SOX5: variants seen among roughly 807,000 people sequenced by gnomAD.
The protein encoded by SOX5 is SRY-box transcription factor 5.
SOX5 carries 9 observed loss-of-function variants against 92.0 expected under a neutral mutation model. That is an observed-to-expected ratio of 0.10 (90% CI 0.06 to 0.17). The LOEUF is 0.17. Ranked by LOEUF, SOX5 falls within the 10% of genes least tolerant of loss-of-function variation. The pLI, the probability that SOX5 is intolerant of heterozygous loss-of-function variation, is 1.00. For synonymous variants in SOX5, 344 were observed against 336.3 expected (o/e 1.02, Z -0.25); for missense variants, 642 against 944.5 (o/e 0.68, Z 4.20).
chr12:23,606,773 C>T (rs1053410344), intron 8 of SOX5, among the ~76,000 whole-genome samples: 9 of 152,038 alleles, frequency 5.9e-5, no homozygotes, highest in East Asian at 1.9e-4. Context: ...ATACTTTCAT[C>T]GTTCAAATAA....
intron 3 of SOX5, among the ~76,000 whole-genome samples, chr12:23,827,719 G>A (rs972909333): frequency 6.6e-6 from 1 of 152,156 alleles, no homozygotes; most frequent in African/African-American, 2.4e-5. Flanking sequence ...AGAGGATATA[G>A]GTTAATAGAT....
At chr12:23,876,121 T>G (rs1474141613) in intron 2 of SOX5, among the ~76,000 whole-genome samples, 1 of 152,148 alleles carries the variant, frequency 6.6e-6, no homozygotes, top group Admixed American at 6.6e-5. Flanking sequence ...AAACTAACTC[T>G]TTTTAGGCAT....
At chr12:23,789,483 G>A (rs2095434205) in intron 3 of SOX5, among the ~76,000 whole-genome samples, 1 of 152,030 alleles carries the variant, frequency 6.6e-6, no homozygotes, top group South Asian at 2.1e-4. Flanking sequence ...ATTCTTAAAG[G>A]AGAATATGTT....
Position 23,733,182 on chromosome 12 carries a change from A to T in SOX5, c.810+1502T>A, listed in dbSNP as rs2093456149. Among the ~76,000 whole-genome samples, 4 of 152,168 alleles carry T rather than the reference A, an allele frequency of 2.6e-5. No individual in the cohort carries two copies. The South Asian group carries it at 8.3e-4, about 32-fold the overall frequency. On this transcript the variant is annotated intron_variant, in intron 6 of 14. Transcript: ENST00000451604. Reference sequence around the variant, plus strand: ...CAAAGGACTTATTTCAGTATTACAAAAATTATAAAAATCTAAAACTATTGG... The same window carrying T: ...CAAAGGACTTATTTCAGTATTACAATAATTATAAAAATCTAAAACTATTGG...
At chr12:23,541,564 G>A (rs1942046797) in intron 13 of SOX5, among the ~76,000 whole-genome samples, 1 of 152,166 alleles carries the variant, frequency 6.6e-6, no homozygotes, top group South Asian at 2.1e-4. Flanking sequence ...AGAGCTGGTA[G>A]AGATGTAAAA....
Position 23,534,271 on chromosome 12 carries a change from T to A in SOX5, c.2240A>T (p.Asp747Val). ...DEYDEEEDDP[D>V]VDYGSDSENH... is the part of the protein sequence containing the mutation. ...TTCACTGTCACTCCCATAATCTACA[T>A]CTGGATCATCCTCTTCCTCGTCGTA... The change falls in exon 15 of 15, where the codon GAT becomes GTT. Residue 747 changes from aspartate (D) to valine (V), a missense_variant. Coordinates refer to ENST00000451604, the MANE Select transcript of SOX5 (RefSeq NM_006940.6). The A allele has an allele frequency of 6.2e-7, 1 of 1,614,154 alleles. No homozygotes were observed. The highest frequency in any genetic ancestry group is 8.5e-7 in the Non-Finnish European group (1 of 1,180,004).
intron 4 of SOX5, among the ~76,000 whole-genome samples, chr12:24,088,787 C>T (rs570984668): frequency 1.3e-5 from 2 of 152,118 alleles, no homozygotes; most frequent in South Asian, 4.1e-4. Context: ...ATTATACAAT[C>T]CTACTGATAA....
intron 13 of SOX5, among the ~76,000 whole-genome samples, chr12:23,540,898 A>G (rs934950455): frequency 6.6e-6 from 1 of 152,202 alleles, no homozygotes; most frequent in East Asian, 1.9e-4. Context: ...AGAGGAAAAC[A>G]TCAAGCTTTC....
At chr12:24,253,278 T>C (rs1264825985) in intron 3 of SOX5, among the ~76,000 whole-genome samples, 2 of 151,768 alleles carry the variant, frequency 1.3e-5, no homozygotes, top group African/African-American at 4.8e-5. Context: ...ATCTTTTTTT[T>C]TTTTTTTTTA....
chr12:24,139,797 G>A (rs1344510812), intron 4 of SOX5, among the ~76,000 whole-genome samples: 2 of 152,170 alleles, frequency 1.3e-5, no homozygotes, highest in Admixed American at 1.3e-4. Flanking sequence ...ACTGCTTGGG[G>A]TGTTAAGAAG....
intron 4 of SOX5, among the ~76,000 whole-genome samples, chr12:24,037,748 T>A (rs956981465): frequency 6.6e-6 from 1 of 152,168 alleles, no homozygotes; most frequent in African/African-American, 2.4e-5. Context: ...CATCTACAAA[T>A]ACAAAATTAT....
At chr12:23,942,579 T>G (rs1216235332) in intron 1 of SOX5, among the ~76,000 whole-genome samples, 2 of 151,850 alleles carry the variant, frequency 1.3e-5, no homozygotes, top group African/African-American at 4.8e-5. Context: ...GACACATCCT[T>G]TATAAAATTG....
At chr12:23,895,154 C>A (rs1595450061) in intron 2 of SOX5, among the ~76,000 whole-genome samples, 2 of 141,484 alleles carry the variant, frequency 1.4e-5, no homozygotes, top group South Asian at 2.2e-4. Context: ...GATCCAGACC[C>A]TAGGATAAGG....
intron 1 of SOX5, among the ~76,000 whole-genome samples, chr12:24,516,237 C>T (rs1331686322): frequency 6.6e-6 from 1 of 151,736 alleles, no homozygotes; most frequent in African/African-American, 2.4e-5. Flanking sequence ...TTGTAGAGAC[C>T]AGGTCTCACC....
At chr12:24,244,426 C>T (rs577339120) in intron 3 of SOX5, among the ~76,000 whole-genome samples, 91 of 152,234 alleles carry the variant, frequency 6.0e-4, no homozygotes, top group Admixed American at 1.0e-3. Flanking sequence ...CTGCATATGT[C>T]CCCCCAGGGC....
Position 24,318,473 on chromosome 12 carries a change from C to T in SOX5, c.-173-41161G>A, listed in dbSNP as rs1326617120. Among the ~76,000 whole-genome samples, 4 of 152,204 alleles carry T rather than the reference C, an allele frequency of 2.6e-5. No homozygotes were observed. In the South Asian group the frequency reaches 6.2e-4, roughly 24 times the overall value. ...TGAGCCTGTGTTCTTGAAATCATGG[C>T]GAGCTATGTTTGTTCTAGACTGTCT... On this transcript the variant is annotated intron_variant, in intron 2 of 4. Transcript: ENST00000446891.
chr12:23,825,738 G>T (rs1368180659), intron 3 of SOX5, among the ~76,000 whole-genome samples: 1 of 151,842 alleles, frequency 6.6e-6, no homozygotes, highest in African/African-American at 2.4e-5. Flanking sequence ...ATTTTAGAAG[G>T]TTTCATATTG....
At chr12:24,152,256 T>C (rs1383510138) in intron 4 of SOX5, among the ~76,000 whole-genome samples, 2 of 152,230 alleles carry the variant, frequency 1.3e-5, no homozygotes, top group Non-Finnish European at 2.9e-5. Flanking sequence ...GTTAAAAGCA[T>C]ATTACAGCAT....
intron 4 of SOX5, among the ~76,000 whole-genome samples, chr12:24,073,789 G>A (rs1177258486): frequency 6.6e-6 from 1 of 151,976 alleles, no homozygotes; most frequent in African/African-American, 2.4e-5. Flanking sequence ...TCTTCTGAGA[G>A]GAAAGATAAA....
Sources: allele counts gnomAD v4.1 joint callset (sites outside exome capture counted in the v4.1 genomes callset), GRCh38; gene constraint gnomAD v4.1.1; transcripts MANE v1.5; gene names NCBI Gene and HGNC (gene_info 2026-07-23, HGNC 2026-07-21).